Variants in ADAMTS6 observed in about 807,000 individuals in gnomAD.
ADAMTS6 encodes ADAM metallopeptidase with thrombospondin type 1 motif 6, also known as A disintegrin and metalloproteinase with thrombospondin motifs 6.
A neutral mutation model predicts 144.3 loss-of-function variants in ADAMTS6; 23 were observed. The observed-to-expected ratio is 0.16, with a 90% confidence interval of 0.11 to 0.23. The LOEUF is 0.23. Ranked by LOEUF, ADAMTS6 falls within the 10% of genes least tolerant of loss-of-function variation. The pLI, the probability that ADAMTS6 is intolerant of heterozygous loss-of-function variation, is 1.00. For synonymous variants in ADAMTS6, 444 were observed against 457.5 expected (o/e 0.97, Z 0.38); for missense variants, 999 against 1,379.6 (o/e 0.72, Z 4.37).
chr5:65,398,936 T>C (rs1353233202), intron 7 of ADAMTS6, among the ~76,000 whole-genome samples: 1 of 152,004 alleles, frequency 6.6e-6, no homozygotes, highest in Non-Finnish European at 1.5e-5. Context: ...TCCAATTACT[T>C]TTAATCTATA....
At chr5:65,442,030 A>G (rs543752856) in intron 7 of ADAMTS6, among the ~76,000 whole-genome samples, 4 of 151,986 alleles carry the variant, frequency 2.6e-5, no homozygotes, top group African/African-American at 9.6e-5. Context: ...AGGAACCACA[A>G]ACAAAATAAG....
At chr5:65,293,864 T>A (rs543100775) in intron 10 of ADAMTS6, among the ~76,000 whole-genome samples, 89 of 152,334 alleles carry the variant, frequency 5.8e-4, no homozygotes, top group African/African-American at 2.0e-3. Context: ...TCTAGACAAG[T>A]CTTGTTCTCC....
chr5:65,326,134 T>C (rs1173882815), intron 9 of ADAMTS6, among the ~76,000 whole-genome samples: 1 of 152,152 alleles, frequency 6.6e-6, no homozygotes, highest in African/African-American at 2.4e-5. Flanking sequence ...GTTAAGATTA[T>C]TTGTTTTTGT....
At chr5:65,365,540 G>A (rs759829188) in intron 7 of ADAMTS6, among the ~76,000 whole-genome samples, 2 of 151,852 alleles carry the variant, frequency 1.3e-5, no homozygotes, top group African/African-American at 2.4e-5. Flanking sequence ...TCAGTTACTT[G>A]GGAGGCTGAG....
intron 22 of ADAMTS6, among the ~76,000 whole-genome samples, chr5:65,174,878 T>C (rs1259109153): frequency 6.6e-6 from 1 of 152,170 alleles, no homozygotes; most frequent in African/African-American, 2.4e-5. Flanking sequence ...CTAGGAACTA[T>C]GTTGAAAAAT....
chr5:65,338,309 A>C (rs1283332424), intron 7 of ADAMTS6, among the ~76,000 whole-genome samples: 1 of 152,242 alleles, frequency 6.6e-6, no homozygotes, highest in African/African-American at 2.4e-5. Context: ...TGAGTAGATG[A>C]ATGCATATGT....
chr5:65,304,774 G>C (rs563647676), intron 9 of ADAMTS6, among the ~76,000 whole-genome samples: 3 of 151,864 alleles, frequency 2.0e-5, no homozygotes, highest in African/African-American at 7.2e-5. Context: ...ATTAAGAAAG[G>C]GAACAAGATC....
intron 22 of ADAMTS6, among the ~76,000 whole-genome samples, chr5:65,185,050 T>C (rs1368175516): frequency 6.6e-6 from 1 of 152,036 alleles, no homozygotes; most frequent in Non-Finnish European, 1.5e-5. Context: ...TCAAAAAAAT[T>C]GTGTGAAATA....
chr5:65,292,994 T>A (rs1309542754), intron 10 of ADAMTS6, among the ~76,000 whole-genome samples: 1 of 152,102 alleles, frequency 6.6e-6, no homozygotes, highest in Non-Finnish European at 1.5e-5. Flanking sequence ...ATTTTTTAAA[T>A]AATGCTTTTT....
intron 9 of ADAMTS6, among the ~76,000 whole-genome samples, chr5:65,300,773 A>C (rs560341741): frequency 2.6e-4 from 40 of 152,052 alleles, no homozygotes; most frequent in Admixed American, 1.4e-3. Flanking sequence ...CTGGGACTAC[A>C]GGCACCTGTC....
chr5:65,454,588 TCTAA>T (rs1759039355), intron 4 of ADAMTS6, among the ~76,000 whole-genome samples: 1 of 152,162 alleles, frequency 6.6e-6, no homozygotes, highest in South Asian at 2.1e-4. Context: ...GTGACTTGTT[TCTAA>T]CTAACAGAAT....
chr5:65,198,772 T>G (rs1473734163), intron 20 of ADAMTS6: 1 of 163,806 alleles, frequency 6.1e-6, no homozygotes, highest in African/African-American at 2.4e-5. Context: ...GTATGTATTG[T>G]ATTCCTTCCC....
chr5:65,258,004 A>G (rs1386348876), intron 14 of ADAMTS6, among the ~76,000 whole-genome samples: 1 of 152,260 alleles, frequency 6.6e-6, no homozygotes, highest in East Asian at 1.9e-4. Context: ...TGAATAAATA[A>G]TACTGGTAAC....
At chr5:65,319,691 GAA>G (rs1745359770) in intron 9 of ADAMTS6, among the ~76,000 whole-genome samples, 1 of 90,838 alleles carries the variant, frequency 1.1e-5, no homozygotes, top group Non-Finnish European at 2.1e-5. Flanking sequence ...GGGAGGGAAG[GAA>G]GGAAGGGAGG....
chr5:65,334,165 TG>T, intron 7 of ADAMTS6, 80 bp from the exon 8 acceptor site: 1 of 1,416,612 alleles, frequency 7.1e-7, no homozygotes, highest in East Asian at 2.6e-5. Context: ...ACTTCTCTCC[TG>T]AAGTTGTCAG....
intron 2 of ADAMTS6, among the ~76,000 whole-genome samples, chr5:65,472,033 G>A (rs995947968): frequency 6.6e-6 from 1 of 152,140 alleles, no homozygotes; most frequent in Admixed American, 6.5e-5. Context: ...CAAACAAAAT[G>A]TAGTATATCC....
chr5:65,339,415 C>T (rs186378966), intron 7 of ADAMTS6, among the ~76,000 whole-genome samples: 2 of 143,792 alleles, frequency 1.4e-5, no homozygotes, highest in East Asian at 4.0e-4. Flanking sequence ...CTACCAGTTG[C>T]ACAGAAATCA....
chr5:65,425,360 C>A (rs1420854325), intron 7 of ADAMTS6, among the ~76,000 whole-genome samples: 2 of 152,096 alleles, frequency 1.3e-5, no homozygotes, highest in Non-Finnish European at 2.9e-5. Flanking sequence ...GAATGACAGA[C>A]CTGCATTTTT....
At position 65,435,568 on chromosome 5, in the gene ADAMTS6, GA is replaced by G. The variant is rs542631830; in HGVS notation, c.1073+15906del. On this transcript the variant is annotated intron_variant, in intron 7 of 24. Coordinates refer to ENST00000381055, the MANE Select transcript of ADAMTS6 (RefSeq NM_197941.4). ...TTAATATTAGGAAAGGCAAGATGAG[GA>G]TCATAAAAGAACTCTGCACCTTTTT... 8.2e-3 allele frequency among the ~76,000 whole-genome samples: 1,242 copies of G among 151,932 alleles called. 10 individuals carry two copies. Among genetic ancestry groups the G allele is most frequent in the Admixed American group, 0.015 (232 of 15,262 alleles).
Sources: gnomAD v4.1 joint callset for allele counts (sites outside exome capture counted in the v4.1 genomes callset) on GRCh38, gnomAD v4.1.1 for gene constraint, MANE v1.5 for transcripts, NCBI Gene and HGNC (gene_info 2026-07-23, HGNC 2026-07-21) for gene names.